The following FAM171A1 variants were observed in gnomAD, a reference collection of about 807,000 sequenced individuals.
FAM171A1 encodes family with sequence similarity 171 member A1, also known as protein FAM171A1.
A neutral mutation model predicts 74.9 loss-of-function variants in FAM171A1; 23 were observed. That is an observed-to-expected ratio of 0.31 (90% CI 0.22 to 0.44). The LOEUF (loss-of-function observed/expected upper bound fraction) is 0.44. Ranked by LOEUF, FAM171A1 falls within the 20% of genes least tolerant of loss-of-function variation. FAM171A1 has a pLI of 1.00. For synonymous variants in FAM171A1, 527 were observed against 505.7 expected, an observed-to-expected ratio of 1.04 and a Z score of -0.57; for missense variants, 1,162 against 1,159.2, an observed-to-expected ratio of 1.00 and a Z score of -0.03.
At chr10:15,340,763 T>C (rs999651219) in intron 1 of FAM171A1, among the ~76,000 whole-genome samples, 1 of 152,196 alleles carries the variant, frequency 6.6e-6, no homozygotes, top group African/African-American at 2.4e-5. Flanking sequence ...ATTTGGATAC[T>C]GAGAGCACAG....
intron 5 of FAM171A1, among the ~76,000 whole-genome samples, chr10:15,243,541 CAACCCA>C (rs1291240668): frequency 6.6e-6 from 1 of 152,118 alleles, no homozygotes; most frequent in Non-Finnish European, 1.5e-5. Context: ...ACAGTGCACA[CAACCCA>C]TACAGGAATC....
intron 5 of FAM171A1, among the ~76,000 whole-genome samples, chr10:15,234,701 G>T (rs536080205): frequency 6.6e-6 from 1 of 151,274 alleles, no homozygotes; most frequent in East Asian, 2.0e-4. Flanking sequence ...CGCCCAGGCT[G>T]AAGTGCAGTG....
intron 5 of FAM171A1, among the ~76,000 whole-genome samples, chr10:15,235,915 C>G (rs1157730982): frequency 2.0e-5 from 3 of 152,092 alleles, no homozygotes; most frequent in African/African-American, 7.2e-5. Flanking sequence ...GGGGTCCTCA[C>G]CTACAAGGTG....
chr10:15,317,919 T>C (rs914447908), intron 1 of FAM171A1, among the ~76,000 whole-genome samples: 9 of 152,210 alleles, frequency 5.9e-5, no homozygotes, highest in African/African-American at 2.2e-4. Context: ...GCCTCCTGAG[T>C]AGCTGGGACT....
chr10:15,243,566 A>C (rs1451091754), intron 5 of FAM171A1, among the ~76,000 whole-genome samples: 1 of 152,162 alleles, frequency 6.6e-6, no homozygotes, highest in Admixed American at 6.5e-5. Flanking sequence ...TCCCTAGGGA[A>C]GGCTTCCTTA....
At chr10:15,219,198 C>T (rs921295298) in intron 6 of FAM171A1, among the ~76,000 whole-genome samples, 2 of 152,108 alleles carry the variant, frequency 1.3e-5, no homozygotes, top group African/African-American at 4.8e-5. Context: ...AGGATAATTG[C>T]TTGAACCCAG....
Position 15,213,964 on chromosome 10 carries a change from A to G in FAM171A1, c.1624T>C (p.Ser542Pro), listed in dbSNP as rs1313815784. 1 of 1,614,076 alleles carries G rather than the reference A, an allele frequency of 6.2e-7. No homozygotes were observed. Among genetic ancestry groups the G allele is most frequent in the Admixed American group, 1.7e-5 (1 of 60,006 alleles). The change falls in exon 8 of 8, where the codon TCG becomes CCG. Residue 542 changes from serine (S) to proline (P), a missense_variant. Transcript: ENST00000378116. This position sits in a 1 kb window ranked among gnomAD's most constrained non-coding sequence, Gnocchi z 6.8. ...LDRRPTECMMSRSVDHLERPT... is the reference protein window; with the variant it reads ...LDRRPTECMMPRSVDHLERPT... ...CTCTCGAGGTGATCTACTGATCGCG[A>G]CATCATACATTCAGTGGGTCTGCGG...
intron 4 of FAM171A1, among the ~76,000 whole-genome samples, chr10:15,252,831 G>A (rs372200462): frequency 1.3e-5 from 2 of 152,044 alleles, no homozygotes; most frequent in African/African-American, 2.4e-5. Flanking sequence ...CTTAGTGTTC[G>A]TTTTCCCCCA....
chr10:15,331,470 C>T (rs1835630186), intron 1 of FAM171A1, among the ~76,000 whole-genome samples: 1 of 152,138 alleles, frequency 6.6e-6, no homozygotes, highest in African/African-American at 2.4e-5. Flanking sequence ...ATGGGCACAG[C>T]AGGCTTGTGC....
At chr10:15,330,540 C>T (rs1835615411) in intron 1 of FAM171A1, among the ~76,000 whole-genome samples, 1 of 151,918 alleles carries the variant, frequency 6.6e-6, no homozygotes, top group Non-Finnish European at 1.5e-5. Context: ...ATAAGATTGC[C>T]CTAATAATAA....
At chr10:15,230,084 T>C (rs1230088558) in intron 5 of FAM171A1, among the ~76,000 whole-genome samples, 7 of 152,248 alleles carry the variant, frequency 4.6e-5, no homozygotes, top group African/African-American at 1.4e-4. Flanking sequence ...GAATTATCAA[T>C]ACTTAAGTCT....
chr10:15,326,730 C>T (rs1378009079), intron 1 of FAM171A1, among the ~76,000 whole-genome samples: 2 of 152,104 alleles, frequency 1.3e-5, no homozygotes, highest in Non-Finnish European at 2.9e-5. Context: ...CAGGTTCAAG[C>T]GATTCTGCTC....
intron 1 of FAM171A1, among the ~76,000 whole-genome samples, chr10:15,289,525 A>G (rs2131815705): frequency 6.6e-6 from 1 of 152,132 alleles, no homozygotes; most frequent in East Asian, 1.9e-4. Context: ...ACACTGCCCT[A>G]TTTCCAGGCC....
At chr10:15,320,882 A>C (rs1301121145) in intron 1 of FAM171A1, among the ~76,000 whole-genome samples, 1 of 152,260 alleles carries the variant, frequency 6.6e-6, no homozygotes, top group Non-Finnish European at 1.5e-5. Flanking sequence ...TATCAATGAA[A>C]AGTATGAAAG....
intron 1 of FAM171A1, among the ~76,000 whole-genome samples, chr10:15,309,124 T>A (rs1472164842): frequency 1.3e-5 from 2 of 152,240 alleles, no homozygotes; most frequent in Non-Finnish European, 2.9e-5. Context: ...TACTATGTAA[T>A]CTGTAAGCAA....
rs560861841 is a variant in FAM171A1, at chr10:15,307,646, CAAAAAAA to C, written c.98-23548_98-23542del. Among the ~76,000 whole-genome samples, 455 of 93,138 alleles carry C rather than the reference CAAAAAAA, an allele frequency of 4.9e-3. 2 individuals are homozygous for C. Among genetic ancestry groups the C allele is most frequent in the African/African-American group, 0.014 (296 of 21,234 alleles). 61.1% of individuals were successfully genotyped at this position (93,138 alleles called of 152,430 possible). ...GGGCAACAAGAGTGAAACTCCATTTCAAAAAAAAAAAAAAAAAAAAAAAATGCGACTT... is the reference window on the plus strand; with the variant it reads ...GGGCAACAAGAGTGAAACTCCATTTCAAAAAAAAAAAAAAAAATGCGACTT... On this transcript the variant is annotated intron_variant, in intron 1 of 7. Coordinates refer to ENST00000378116, the MANE Select transcript of FAM171A1 (RefSeq NM_001010924.2).
Position 15,215,218 on chromosome 10 carries a change from T to A in FAM171A1, c.987-617A>T, listed in dbSNP as rs1282845238. Among the ~76,000 whole-genome samples the A allele has an allele frequency of 2.6e-5, 4 of 152,330 alleles. No homozygotes were observed. In the East Asian group the frequency reaches 7.7e-4, roughly 29 times the overall value. ...CAAACGTGACTAAAATGCTTTGCAT[T>A]TTTAAAAATAAAATTTTTCCTCTAT... On this transcript the variant is annotated intron_variant, in intron 7 of 7. Coordinates refer to ENST00000378116, the MANE Select transcript of FAM171A1 (RefSeq NM_001010924.2).
chr10:15,337,338 A>G (rs1197894286), intron 1 of FAM171A1, among the ~76,000 whole-genome samples: 1 of 152,224 alleles, frequency 6.6e-6, no homozygotes, highest in Non-Finnish European at 1.5e-5. Flanking sequence ...CCTAAATTAT[A>G]GTTCATTTCA....
chr10:15,242,557 T>C (rs1834375921), intron 5 of FAM171A1, among the ~76,000 whole-genome samples: 1 of 152,200 alleles, frequency 6.6e-6, no homozygotes, highest in Non-Finnish European at 1.5e-5. Context: ...GAGGCTGAGA[T>C]GGATCACTTG....
Sources: gnomAD v4.1 joint callset for allele counts (sites outside exome capture counted in the v4.1 genomes callset) on GRCh38, gnomAD v4.1.1 for gene constraint, Gnocchi (gnomAD v3.1) non-coding constraint, MANE v1.5 for transcripts, NCBI Gene and HGNC (gene_info 2026-07-23, HGNC 2026-07-21) for gene names.